FYN: variants seen among roughly 807,000 people sequenced by gnomAD.
The protein encoded by FYN is FYN proto-oncogene, Src family tyrosine kinase.
FYN carries 10 observed loss-of-function variants against 70.2 expected under a neutral mutation model. The observed-to-expected ratio is 0.14, with a 90% CI of 0.09 to 0.24. The LOEUF (loss-of-function observed/expected upper bound fraction) is 0.24, where lower values mean the gene tolerates loss of function less well. Among genes scored for constraint, FYN ranks in the 10% least tolerant of loss-of-function variants. The probability of loss-of-function intolerance (pLI) is 1.00; values close to 1 mark genes in which losing one functional copy is unlikely to be tolerated. For missense variants in FYN, 319 were observed against 673.1 expected (o/e 0.47, Z 5.82); for synonymous variants, 236 against 248.6 (o/e 0.95, Z 0.48).
chr6:111,820,687 A>T (rs1772629193), intron 2 of FYN, among the ~76,000 whole-genome samples: 1 of 152,178 alleles, frequency 6.6e-6, no homozygotes, highest in South Asian at 2.1e-4. Flanking sequence ...AGACAAGGGA[A>T]CATGAAAAGA....
intron 1 of FYN, among the ~76,000 whole-genome samples, chr6:111,855,609 T>G (rs1377336978): frequency 6.6e-6 from 1 of 152,246 alleles, no homozygotes; most frequent in Admixed American, 6.5e-5. Flanking sequence ...CCTTCTCTTT[T>G]GTCCCCGTCA....
intron 2 of FYN, among the ~76,000 whole-genome samples, chr6:111,788,520 G>C (rs573739521): frequency 2.0e-5 from 3 of 152,252 alleles, no homozygotes; most frequent in African/African-American, 7.2e-5. Flanking sequence ...CAAAGAATGG[G>C]GGTGAGGGGA....
chr6:111,817,964 C>T (rs757287566), intron 2 of FYN, among the ~76,000 whole-genome samples: 2 of 152,196 alleles, frequency 1.3e-5, no homozygotes, highest in African/African-American at 4.8e-5. Context: ...TCAGGGCCAA[C>T]AAATGCTCCA....
At chr6:111,793,206 T>A (rs562012655) in intron 2 of FYN, among the ~76,000 whole-genome samples, 1 of 152,342 alleles carries the variant, frequency 6.6e-6, no homozygotes, top group South Asian at 2.1e-4. Context: ...CGTTTTTTAA[T>A]TCACTTTAAG....
chr6:111,821,420 T>C (rs1583470521), intron 2 of FYN, among the ~76,000 whole-genome samples: 1 of 152,284 alleles, frequency 6.6e-6, no homozygotes, highest in Middle Eastern at 3.4e-3. Flanking sequence ...CTGGGAAAAC[T>C]GGCTAGCCAT....
At chr6:111,772,831 G>A in intron 3 of FYN, among the ~76,000 whole-genome samples, 1 of 112,890 alleles carries the variant, frequency 8.9e-6, no homozygotes. Flanking sequence ...AAGTGTATTT[G>A]ATCAGTTACA....
intron 12 of FYN, among the ~76,000 whole-genome samples, chr6:111,693,986 G>A (rs115236792): frequency 0.012 from 1,861 of 152,242 alleles, 30 homozygotes; most frequent in African/African-American, 0.041. Flanking sequence ...ACCATGCCCT[G>A]TTGGCTTTCT....
rs59372406 is a variant in FYN, at chr6:111,756,928, TGCTATCCCTACTTCCTATCCCC to T, written c.-12+23616_-12+23637del. On this transcript the variant is annotated intron_variant, in intron 3 of 13. Coordinates refer to ENST00000354650, the MANE Select transcript of FYN (RefSeq NM_002037.5). ...AAATCAGTAACAAGCTAAGGATCTG[TGCTATCCCTACTTCCTATCCCC>T]GCTATCCCTACTTCCTATCCCCTGT... 1.3e-4 allele frequency among the ~76,000 whole-genome samples: 20 copies of T among 152,300 alleles called. No homozygotes were observed. In the East Asian group the frequency reaches 2.9e-3, roughly 22 times the overall value.
At chr6:111,860,521 A>C (rs1773934249) in intron 1 of FYN, among the ~76,000 whole-genome samples, 1 of 152,158 alleles carries the variant, frequency 6.6e-6, no homozygotes, top group Non-Finnish European at 1.5e-5. Context: ...AGATGTGAGG[A>C]TCAGGGAAAG....
intron 1 of FYN, among the ~76,000 whole-genome samples, chr6:111,862,665 A>G (rs1342069568): frequency 6.6e-6 from 1 of 152,236 alleles, no homozygotes. Context: ...AGTCTAAGCT[A>G]AAGTAGTAAC....
At chr6:111,678,106 A>ATGTG (rs201367268) in intron 12 of FYN, among the ~76,000 whole-genome samples, 44 of 118,608 alleles carry the variant, frequency 3.7e-4, no homozygotes, top group African/African-American at 1.6e-3. Flanking sequence ...GAAGGCCATA[A>ATGTG]TATGTGTGTG....
chr6:111,811,381 G>A (rs1275497418), intron 2 of FYN, among the ~76,000 whole-genome samples: 1 of 152,186 alleles, frequency 6.6e-6, no homozygotes, highest in East Asian at 1.9e-4. Flanking sequence ...ACAGTATAAG[G>A]ATTGGAGCTG....
At chr6:111,720,730 T>C (rs1042286540) in intron 3 of FYN, among the ~76,000 whole-genome samples, 3 of 152,182 alleles carry the variant, frequency 2.0e-5, no homozygotes, top group African/African-American at 7.2e-5. Context: ...ATGAAATCAC[T>C]TAAAGCTGCT....
chr6:111,871,348 G>A (rs571518929), intron 1 of FYN, among the ~76,000 whole-genome samples: 29 of 152,314 alleles, frequency 1.9e-4, no homozygotes, highest in African/African-American at 7.0e-4. Context: ...CTGAATACAG[G>A]GTACCCATGG....
intron 2 of FYN, among the ~76,000 whole-genome samples, chr6:111,830,348 C>T (rs986421930): frequency 6.6e-6 from 1 of 152,152 alleles, no homozygotes; most frequent in African/African-American, 2.4e-5. Context: ...GTAGGAGAGC[C>T]AGCTCCCACA....
intron 12 of FYN, among the ~76,000 whole-genome samples, chr6:111,693,282 T>C (rs186986084): frequency 1.3e-5 from 2 of 152,296 alleles, no homozygotes; most frequent in Admixed American, 1.3e-4. Context: ...CTGGCCATTA[T>C]GAAATGCAGT....
At chr6:111,789,169 C>T (rs974933417) in intron 2 of FYN, among the ~76,000 whole-genome samples, 2 of 152,214 alleles carry the variant, frequency 1.3e-5, no homozygotes, top group Non-Finnish European at 2.9e-5. Context: ...CTGCTCCCTT[C>T]TCATTGGCTA....
chr6:111,853,045 C>T (rs572731862), intron 1 of FYN, among the ~76,000 whole-genome samples: 59 of 152,270 alleles, frequency 3.9e-4, no homozygotes, highest in African/African-American at 1.4e-3. Context: ...CTGAGAATTG[C>T]CTGAGCTTTT....
At chr6:111,711,275 A>G (rs1174251177) in intron 5 of FYN, among the ~76,000 whole-genome samples, 1 of 149,234 alleles carries the variant, frequency 6.7e-6, no homozygotes, top group Admixed American at 6.7e-5. Context: ...TCACAATAGG[A>G]AAAAAAAAAC....
Sources: gnomAD v4.1 joint callset for allele counts (sites outside exome capture counted in the v4.1 genomes callset) on GRCh38, gnomAD v4.1.1 for gene constraint, MANE v1.5 for transcripts, NCBI Gene and HGNC (gene_info 2026-07-23, HGNC 2026-07-21) for gene names.